The following ARHGAP42 variants were observed in gnomAD, a reference collection of about 807,000 sequenced individuals.
ARHGAP42 encodes Rho GTPase activating protein 42.
ARHGAP42 carries 63 observed loss-of-function variants against 125.0 expected under a neutral mutation model. The ratio of observed to expected loss-of-function variants is 0.50; its 90% confidence interval spans 0.41 to 0.62. The LOEUF (loss-of-function observed/expected upper bound fraction) is 0.62, where lower values mean the gene tolerates loss of function less well. ARHGAP42 is among the 20% of genes least tolerant of loss of function. ARHGAP42 has a pLI of 0.00. For synonymous variants in ARHGAP42, 339 were observed against 351.0 expected (o/e 0.97, Z 0.38); for missense variants, 766 against 1,024.2 (o/e 0.75, Z 3.44).
intron 3 of ARHGAP42, chr11:100,816,796 C>T (rs1017685634): frequency 6.6e-6 from 1 of 152,118 alleles, no homozygotes; most frequent in Non-Finnish European, 1.5e-5. Context: ...CCATGGCAAA[C>T]TTCTTGGTGT....
At chr11:100,742,143 T>G (rs1862200614) in intron 1 of ARHGAP42, among the ~76,000 whole-genome samples, 1 of 152,234 alleles carries the variant, frequency 6.6e-6, no homozygotes, top group Non-Finnish European at 1.5e-5. Context: ...ATTCTGATCC[T>G]ATTGCTGAAA....
intron 22 of ARHGAP42, among the ~76,000 whole-genome samples, chr11:100,982,676 T>C (rs1858574556): frequency 6.6e-6 from 1 of 152,232 alleles, no homozygotes; most frequent in Middle Eastern, 3.2e-3. Context: ...AGGCAAGCTA[T>C]ACAAATATGT....
At chr11:100,855,755 A>G (rs987128874) in intron 3 of ARHGAP42, among the ~76,000 whole-genome samples, 5 of 152,126 alleles carry the variant, frequency 3.3e-5, no homozygotes, top group Admixed American at 1.3e-4. Context: ...AGTAAAATGC[A>G]TGGTAAATGC....
intron 1 of ARHGAP42, among the ~76,000 whole-genome samples, chr11:100,690,256 G>A (rs1442841698): frequency 6.6e-6 from 1 of 151,078 alleles, no homozygotes; most frequent in Non-Finnish European, 1.5e-5. Context: ...TTTTTAGCAC[G>A]GCACTGTTAT....
At chr11:100,944,613 T>A (rs1457794809) in intron 10 of ARHGAP42, among the ~76,000 whole-genome samples, 1 of 151,938 alleles carries the variant, frequency 6.6e-6, no homozygotes, top group Non-Finnish European at 1.5e-5. Flanking sequence ...TCCAAACCAC[T>A]GTAATAAAGC....
chr11:100,811,274 G>A (rs998131601), intron 3 of ARHGAP42, among the ~76,000 whole-genome samples: 1 of 152,152 alleles, frequency 6.6e-6, no homozygotes, highest in Non-Finnish European at 1.5e-5. Context: ...CATTTTAAAT[G>A]TTAGTAGTTC....
intron 1 of ARHGAP42, among the ~76,000 whole-genome samples, chr11:100,702,327 A>G (rs1414872176): frequency 6.6e-6 from 1 of 152,140 alleles, no homozygotes; most frequent in Non-Finnish European, 1.5e-5. Context: ...CACACACAAC[A>G]TTTATTGACT....
chr11:100,936,374 C>T (rs1177092751), intron 8 of ARHGAP42, 42 bp downstream of exon 8: 3 of 1,549,452 alleles, frequency 1.9e-6, no homozygotes, highest in African/African-American at 1.4e-5. Flanking sequence ...TATGACTTAG[C>T]CACGATCATG....
chr11:100,934,049 G>A (rs1185303731), intron 7 of ARHGAP42, among the ~76,000 whole-genome samples: 1 of 152,178 alleles, frequency 6.6e-6, no homozygotes, highest in African/African-American at 2.4e-5. Context: ...GGCCTCCCAA[G>A]TGCTGGGATT....
chr11:100,915,025 A>G (rs1250892292), intron 5 of ARHGAP42, among the ~76,000 whole-genome samples: 1 of 152,144 alleles, frequency 6.6e-6, no homozygotes, highest in Non-Finnish European at 1.5e-5. Flanking sequence ...TAATATTTAT[A>G]TATGGCTTCA....
chr11:100,787,513 A>G (rs1201475610), intron 2 of ARHGAP42, among the ~76,000 whole-genome samples: 1 of 152,180 alleles, frequency 6.6e-6, no homozygotes, highest in Non-Finnish European at 1.5e-5. Flanking sequence ...GGTGAGGATA[A>G]GAGAAATGAG....
chr11:100,980,861 G>A (rs1858526288), intron 22 of ARHGAP42, among the ~76,000 whole-genome samples: 2 of 152,080 alleles, frequency 1.3e-5, no homozygotes, highest in Admixed American at 6.6e-5. Flanking sequence ...ATGAGCCACT[G>A]CACCCAGCCA....
chr11:100,687,808 T>C lies in ARHGAP42; in HGVS notation c.130T>C (p.Ser44Pro). ...CATCAAGGAGCTCATTAAGGACGGC[T>C]CTCTGCTCATTGGGGCGTTGAGGAG... ...KFIKELIKDG[S>P]LLIGALRNLS... is the part of the protein sequence containing the mutation. The change falls in exon 1 of 24, where the codon TCT becomes CCT. Residue 44 changes from serine to proline, a missense_variant. By Grantham distance (74) the Ser-to-Pro change is moderately conservative. This residue lies in a region of ARHGAP42 where 455 missense variants were observed against 636.5 expected (regional missense o/e 0.71). Coordinates refer to ENST00000298815, the MANE Select transcript of ARHGAP42 (RefSeq NM_152432.4). 2 of 1,550,658 alleles carry C rather than the reference T, an allele frequency of 1.3e-6. No homozygotes were observed. The highest frequency in any genetic ancestry group is 1.7e-6 in the Non-Finnish European group (2 of 1,146,376).
intron 3 of ARHGAP42, among the ~76,000 whole-genome samples, chr11:100,818,529 A>G (rs1055866826): frequency 1.3e-5 from 2 of 151,836 alleles, no homozygotes; most frequent in Admixed American, 6.7e-5. Flanking sequence ...ATATATGCCA[A>G]TGACAGCAGA....
At chr11:100,855,237 T>G (rs1185791733) in intron 3 of ARHGAP42, among the ~76,000 whole-genome samples, 1 of 152,080 alleles carries the variant, frequency 6.6e-6, no homozygotes, top group African/African-American at 2.4e-5. Flanking sequence ...GCTTTGAAAA[T>G]GAGAGGTAAG....
At chr11:100,802,635 G>T (rs1486006116) in intron 3 of ARHGAP42, among the ~76,000 whole-genome samples, 1 of 52,956 alleles carries the variant, frequency 1.9e-5, no homozygotes, top group African/African-American at 7.2e-5. Flanking sequence ...GTTTCACCCT[G>T]TTGGCGAGTC....
intron 3 of ARHGAP42, among the ~76,000 whole-genome samples, chr11:100,813,223 G>A (rs749863117): frequency 6.6e-6 from 1 of 151,926 alleles, no homozygotes; most frequent in African/African-American, 2.4e-5. Flanking sequence ...TGTTATGGGG[G>A]TCTGTCCTGT....
chr11:100,689,360 G>C (rs1194176911), intron 1 of ARHGAP42, among the ~76,000 whole-genome samples: 1 of 152,186 alleles, frequency 6.6e-6, no homozygotes, highest in Non-Finnish European at 1.5e-5. Flanking sequence ...TCTTCAAAAA[G>C]AGCTGCATCT....
intron 1 of ARHGAP42, among the ~76,000 whole-genome samples, chr11:100,762,406 C>T (rs1417055020): frequency 6.6e-6 from 1 of 152,044 alleles, no homozygotes; most frequent in East Asian, 1.9e-4. Flanking sequence ...AGTGATCTCC[C>T]GTGGACATGC....
Sources: gnomAD v4.1 joint callset for allele counts (sites outside exome capture counted in the v4.1 genomes callset) on GRCh38, gnomAD v4.1.1 for gene constraint, gnomAD v4.1.1 regional missense constraint, MANE v1.5 for transcripts, NCBI Gene and HGNC (gene_info 2026-07-23, HGNC 2026-07-21) for gene names.